MAN1C1: variants seen among roughly 807,000 people sequenced by gnomAD.
MAN1C1 encodes mannosidase alpha class 1C member 1, also known as mannosyl-oligosaccharide 1,2-alpha-mannosidase IC.
Under a neutral mutation model 71.5 loss-of-function variants are expected in MAN1C1, and 49 were observed. That is an observed-to-expected ratio of 0.69 (90% CI 0.54 to 0.87). The LOEUF is 0.87. Ranked by LOEUF, MAN1C1 falls within the 40% of genes least tolerant of loss-of-function variation. MAN1C1 has a pLI of 0.00. For synonymous variants in MAN1C1, 352 were observed against 343.7 expected (o/e 1.02, Z -0.27); for missense variants, 743 against 835.0 (o/e 0.89, Z 1.36).
chr1:25,624,675 T>G (rs3767913), intron 1 of MAN1C1, among the ~76,000 whole-genome samples: 3 of 152,084 alleles, frequency 2.0e-5, no homozygotes, highest in Non-Finnish European at 4.4e-5. Flanking sequence ...GCTGCCAAGG[T>G]GAACCTTCTG....
chr1:25,675,816 C>T (rs1172248496), intron 1 of MAN1C1, among the ~76,000 whole-genome samples: 1 of 152,184 alleles, frequency 6.6e-6, no homozygotes, highest in East Asian at 1.9e-4. Context: ...CTGTTATTTA[C>T]TCTTAGGGTT....
chr1:25,707,412 C>T (rs1434706357), intron 2 of MAN1C1, among the ~76,000 whole-genome samples: 1 of 152,170 alleles, frequency 6.6e-6, no homozygotes, highest in Admixed American at 6.5e-5. Flanking sequence ...ATTCTTTTTA[C>T]TTAACAAGAG....
At chr1:25,691,185 CAT>C (rs2046304276) in intron 2 of MAN1C1, among the ~76,000 whole-genome samples, 1 of 152,096 alleles carries the variant, frequency 6.6e-6, no homozygotes. Context: ...GACGTGGTGA[CAT>C]GTGTCTATAA....
chr1:25,727,965 G>T (rs978050076), intron 2 of MAN1C1, among the ~76,000 whole-genome samples: 2 of 152,254 alleles, frequency 1.3e-5, no homozygotes, highest in African/African-American at 4.8e-5. Flanking sequence ...TCAGGCGTGC[G>T]TCTTCCTGGC....
At chr1:25,783,194 T>C (rs2047720823) in intron 11 of MAN1C1, among the ~76,000 whole-genome samples, 1 of 152,114 alleles carries the variant, frequency 6.6e-6, no homozygotes, top group Admixed American at 6.6e-5. Context: ...GTCAGAATGA[T>C]CAGTTCCTTC....
intron 6 of MAN1C1, among the ~76,000 whole-genome samples, chr1:25,762,674 T>C (rs1333957372): frequency 6.7e-6 from 1 of 148,346 alleles, no homozygotes; most frequent in Non-Finnish European, 1.5e-5. Flanking sequence ...GTGATCCACC[T>C]CCCTTGGCCT....
Position 25,634,955 on chromosome 1 carries a change from C to T in MAN1C1, c.540+16618C>T, listed in dbSNP as rs2045435569. ...TCTATAGTTTTTTTTTTTGTAAATC[C>T]TTTGTCTGGTTTTTGGTGTCAACAT... On this transcript the variant is annotated intron_variant, in intron 1 of 11. Coordinates refer to ENST00000374332, the MANE Select transcript of MAN1C1 (RefSeq NM_020379.4). This position sits in a 1 kb window ranked among gnomAD's most constrained non-coding sequence, Gnocchi z 4.6. Among the ~76,000 whole-genome samples, 1 of 150,472 alleles carries T rather than the reference C, an allele frequency of 6.6e-6. No homozygotes were observed. The highest frequency in any genetic ancestry group is 2.1e-4 in the South Asian group (1 of 4,792).
At chr1:25,751,555 G>A (rs2047216558) in intron 4 of MAN1C1, among the ~76,000 whole-genome samples, 1 of 152,224 alleles carries the variant, frequency 6.6e-6, no homozygotes, top group Non-Finnish European at 1.5e-5. Flanking sequence ...AGGGGCCAAC[G>A]TGGCCAGAAC....
chr1:25,674,741 A>G (rs1003330467), intron 1 of MAN1C1, among the ~76,000 whole-genome samples: 2 of 146,374 alleles, frequency 1.4e-5, no homozygotes, highest in Non-Finnish European at 3.0e-5. Flanking sequence ...TGGGGAGGAT[A>G]AGCTGACTGA....
At chr1:25,659,576 G>A (rs955009648) in intron 1 of MAN1C1, among the ~76,000 whole-genome samples, 3 of 152,154 alleles carry the variant, frequency 2.0e-5, no homozygotes, top group African/African-American at 7.2e-5. Flanking sequence ...AAAGTTACAT[G>A]TTGTACAAAC....
intron 1 of MAN1C1, among the ~76,000 whole-genome samples, chr1:25,624,987 G>A (rs901238976): frequency 1.3e-4 from 20 of 148,816 alleles, no homozygotes; most frequent in African/African-American, 4.5e-4. Flanking sequence ...TACATATAGC[G>A]AAATGCACAG....
At chr1:25,666,144 G>A (rs1241928252) in intron 1 of MAN1C1, among the ~76,000 whole-genome samples, 1 of 151,982 alleles carries the variant, frequency 6.6e-6, no homozygotes, top group Non-Finnish European at 1.5e-5. Flanking sequence ...AATTTTACTG[G>A]GTTCATAGGA....
At chr1:25,723,081 CTT>C (rs1414385304) in intron 2 of MAN1C1, among the ~76,000 whole-genome samples, 2 of 151,300 alleles carry the variant, frequency 1.3e-5, no homozygotes, top group African/African-American at 4.9e-5. Context: ...GTGTAGGTCT[CTT>C]TTCATTCACT....
At chr1:25,635,712 G>T (rs2045450034) in intron 1 of MAN1C1, among the ~76,000 whole-genome samples, 1 of 152,118 alleles carries the variant, frequency 6.6e-6, no homozygotes, top group African/African-American at 2.4e-5. Flanking sequence ...GCCTCCCAAA[G>T]TGCCAGGATG....
intron 2 of MAN1C1, among the ~76,000 whole-genome samples, chr1:25,741,279 C>T (rs574100539): frequency 6.6e-6 from 1 of 152,044 alleles, no homozygotes. Context: ...TGTGCCTGGC[C>T]GATGGATTTT....
At chr1:25,748,578 G>C (rs1243487276) in intron 3 of MAN1C1, among the ~76,000 whole-genome samples, 1 of 152,214 alleles carries the variant, frequency 6.6e-6, no homozygotes, top group African/African-American at 2.4e-5. Context: ...TCTTTTCTGA[G>C]GTGCCAAAGC....
intron 1 of MAN1C1, among the ~76,000 whole-genome samples, chr1:25,660,396 C>CTTTTT (rs1178878513): frequency 4.1e-5 from 4 of 97,602 alleles, no homozygotes; most frequent in African/African-American, 9.7e-5. Flanking sequence ...AGTGAAATTC[C>CTTTTT]TTTTTTTTTT....
chr1:25,745,539 GAA>G (rs1404907360), intron 2 of MAN1C1, among the ~76,000 whole-genome samples: 1 of 152,056 alleles, frequency 6.6e-6, no homozygotes, highest in African/African-American at 2.4e-5. Flanking sequence ...AAGAAAGAAA[GAA>G]AGAAAGAAAA....
At chr1:25,780,743 T>C in intron 9 of MAN1C1, 197 bp from the exon 10 acceptor site, 3 of 589,100 alleles carry the variant, frequency 5.1e-6, no homozygotes, top group Non-Finnish European at 6.1e-6. Context: ...TCTTGTTCTG[T>C]CCAGCCCAGG....
Sources: gnomAD v4.1 joint callset for allele counts (sites outside exome capture counted in the v4.1 genomes callset) on GRCh38, gnomAD v4.1.1 for gene constraint, Gnocchi (gnomAD v3.1) non-coding constraint, MANE v1.5 for transcripts, NCBI Gene and HGNC (gene_info 2026-07-23, HGNC 2026-07-21) for gene names.